GLDC: variants seen among roughly 807,000 people sequenced by gnomAD.
The protein encoded by GLDC is glycine dehydrogenase (decarboxylating), mitochondrial.
GLDC carries 104 observed loss-of-function variants against 121.3 expected under a neutral mutation model. That is an observed-to-expected ratio of 0.86 (90% CI 0.73 to 1.01). The LOEUF (loss-of-function observed/expected upper bound fraction) is 1.01. Among genes scored for constraint, GLDC ranks in the 50% least tolerant of loss-of-function variants. The pLI is 0.00. For synonymous variants in GLDC, 546 were observed against 480.6 expected (o/e 1.14, Z -1.78); for missense variants, 1,429 against 1,306.6 (o/e 1.09, Z -1.44).
intron 15 of GLDC, among the ~76,000 whole-genome samples, chr9:6,572,095 A>C (rs1233237327): frequency 2.0e-5 from 3 of 152,192 alleles, no homozygotes; most frequent in African/African-American, 7.2e-5. Context: ...TCTGGGAAAA[A>C]CAAAAAACAG....
chr9:6,640,500 C>T (rs1248786830), intron 2 of GLDC, among the ~76,000 whole-genome samples: 1 of 152,226 alleles, frequency 6.6e-6, no homozygotes, highest in African/African-American at 2.4e-5. Context: ...TTACACAATG[C>T]TCCCTCCCTC....
intron 2 of GLDC, among the ~76,000 whole-genome samples, chr9:6,624,233 A>C (rs1819185510): frequency 6.6e-6 from 1 of 152,212 alleles, no homozygotes; most frequent in Non-Finnish European, 1.5e-5. Flanking sequence ...TGATGCTTTG[A>C]AATCCTAACC....
chr9:6,570,523 C>T (rs1376634085), intron 15 of GLDC, among the ~76,000 whole-genome samples: 1 of 152,116 alleles, frequency 6.6e-6, no homozygotes, highest in Non-Finnish European at 1.5e-5. Flanking sequence ...TATTTATAAG[C>T]AGTGGACCTA....
chr9:6,563,790 T>C (rs1167738929), intron 16 of GLDC, among the ~76,000 whole-genome samples: 2 of 151,996 alleles, frequency 1.3e-5, no homozygotes, highest in African/African-American at 4.8e-5. Context: ...TTGACCAGGG[T>C]TTAATCATTT....
At chr9:6,644,124 T>C (rs1204457785) in intron 2 of GLDC, among the ~76,000 whole-genome samples, 1 of 126,708 alleles carries the variant, frequency 7.9e-6, no homozygotes, top group South Asian at 2.5e-4. Context: ...TGGTAAATAA[T>C]AAAATTTGGA....
At chr9:6,559,670 C>G (rs1376500176) in intron 16 of GLDC, among the ~76,000 whole-genome samples, 1 of 151,812 alleles carries the variant, frequency 6.6e-6, no homozygotes, top group African/African-American at 2.4e-5. Context: ...CAAAAATTAG[C>G]CAGGTGTGGT....
chr9:6,593,817 C>T (rs149993754), intron 9 of GLDC, among the ~76,000 whole-genome samples: 27 of 151,828 alleles, frequency 1.8e-4, no homozygotes, highest in African/African-American at 5.3e-4. Flanking sequence ...CTCAGCCTCC[C>T]GAGTAGCTGG....
intron 21 of GLDC, among the ~76,000 whole-genome samples, chr9:6,546,891 G>A (rs528601289): frequency 6.6e-6 from 1 of 152,104 alleles, no homozygotes; most frequent in South Asian, 2.1e-4. Flanking sequence ...GAACCTGGGA[G>A]GCGGAGGTTG....
At chr9:6,548,088 GC>G (rs1404500798) in intron 21 of GLDC, among the ~76,000 whole-genome samples, 3 of 152,128 alleles carry the variant, frequency 2.0e-5, no homozygotes, top group Admixed American at 6.5e-5. Flanking sequence ...GCAATGAGCT[GC>G]CATGGCACCA....
In GLDC at chr9:6,550,849, G is replaced by C. The variant is rs762805307; in HGVS notation, c.2523C>G (p.Ala841=). Residue 841 remains alanine (A), a synonymous_variant, in exon 21 of 25, where the codon GCC becomes GCG. Transcript: ENST00000321612. ...TTCTGTAGTGTGTTTCTAATCGCTTGGCCATGTAGTTGGCATTTAATATCG... is the reference window on the plus strand; with the variant it reads ...TTCTGTAGTGTGTTTCTAATCGCTTCGCCATGTAGTTGGCATTTAATATCG... ...ETAILNANYM[A]KRLETHYRIL... 1.2e-6 allele frequency: 2 copies of C among 1,613,588 alleles called. No individual in the cohort carries two copies. The highest frequency in any genetic ancestry group is 3.3e-4 in the Middle Eastern group (2 of 6,060).
At chr9:6,540,173 A>C in intron 21 of GLDC, 27 bp from the exon 22 acceptor site, 2 of 1,339,252 alleles carry the variant, frequency 1.5e-6, no homozygotes, top group Non-Finnish European at 2.2e-6. Flanking sequence ...TTTCAGCCCA[A>C]GATTAGCATC....
intron 21 of GLDC, among the ~76,000 whole-genome samples, chr9:6,544,933 C>T (rs538397578): frequency 1.3e-5 from 2 of 152,118 alleles, no homozygotes; most frequent in East Asian, 3.9e-4. Context: ...AACACTGTCT[C>T]TACTAAAAAT....
At chr9:6,614,057 G>C (rs922684094) in intron 3 of GLDC, among the ~76,000 whole-genome samples, 4 of 151,942 alleles carry the variant, frequency 2.6e-5, no homozygotes, top group Non-Finnish European at 5.9e-5. Flanking sequence ...GATTACAGGC[G>C]TGAGTCATGT....
intron 2 of GLDC, among the ~76,000 whole-genome samples, chr9:6,637,087 G>GTT (rs529028383): frequency 3.6e-4 from 52 of 144,390 alleles, no homozygotes; most frequent in African/African-American, 1.2e-3. Context: ...GGTTTTGTTT[G>GTT]TTTTTTTTTT....
chr9:6,581,635 C>G (rs1818172433), intron 15 of GLDC, among the ~76,000 whole-genome samples: 1 of 152,144 alleles, frequency 6.6e-6, no homozygotes, highest in Non-Finnish European at 1.5e-5. Flanking sequence ...GCAGATAATA[C>G]AGAATATAAA....
chr9:6,554,820 C>T, intron 18 of GLDC, 39 bp from the exon 19 acceptor site: 1 of 1,475,574 alleles, frequency 6.8e-7, no homozygotes, highest in Non-Finnish European at 9.4e-7. Context: ...AAGTCAAGAG[C>T]TTGGAAGCAC....
chr9:6,576,363 T>C (rs1186278875), intron 15 of GLDC, among the ~76,000 whole-genome samples: 8 of 152,218 alleles, frequency 5.3e-5, no homozygotes, highest in Non-Finnish European at 8.8e-5. Context: ...CTTAAAATAA[T>C]GGCACTAATC....
intron 15 of GLDC, among the ~76,000 whole-genome samples, chr9:6,571,179 AAAAG>A (rs1202524732): frequency 1.3e-5 from 2 of 152,074 alleles, no homozygotes; most frequent in East Asian, 1.9e-4. Context: ...TTTTAAAAAA[AAAAG>A]AAAGAAACTG....
intron 15 of GLDC, among the ~76,000 whole-genome samples, chr9:6,576,973 C>G (rs147748334): frequency 2.8e-4 from 43 of 152,274 alleles, no homozygotes; most frequent in African/African-American, 1.0e-3. Flanking sequence ...AGATCCTAAC[C>G]TTTCCCTTGA....
Sources: gnomAD v4.1 joint callset for allele counts (sites outside exome capture counted in the v4.1 genomes callset) on GRCh38, gnomAD v4.1.1 for gene constraint, MANE v1.5 for transcripts, NCBI Gene and HGNC (gene_info 2026-07-23, HGNC 2026-07-21) for gene names.